LGSN: variants seen among roughly 807,000 people sequenced by gnomAD.
LGSN encodes lengsin.
LGSN carries 21 observed loss-of-function variants against 19.5 expected under a neutral mutation model. The ratio of observed to expected loss-of-function variants is 1.07; its 90% CI spans 0.76 to 1.55. The LOEUF is 1.55. Ranked by LOEUF, LGSN falls within the 40% of genes most tolerant of loss-of-function variation. The pLI is 0.00. For synonymous variants in LGSN, 257 were observed against 215.6 expected, an observed-to-expected ratio of 1.19 and a Z score of -1.68; for missense variants, 673 against 608.5, an observed-to-expected ratio of 1.11 and a Z score of -1.12.
the LGSN span, among the ~76,000 whole-genome samples, chr6:63,436,134 T>C: frequency 6.6e-6 from 1 of 152,200 alleles, no homozygotes; most frequent in Non-Finnish European, 1.5e-5. Context: ...TCATGTAAAG[T>C]AGCCCTACCA....
the LGSN span, among the ~76,000 whole-genome samples, chr6:63,557,217 G>A: frequency 2.6e-5 from 4 of 152,166 alleles, no homozygotes; most frequent in African/African-American, 9.7e-5. Flanking sequence ...TACAATGGAA[G>A]TACAGGGAAT....
chr6:63,408,808 T>G, the LGSN span, among the ~76,000 whole-genome samples: 1 of 152,072 alleles, frequency 6.6e-6, no homozygotes. Context: ...ATCCAGAATC[T>G]ACAATGAACT....
the LGSN span, among the ~76,000 whole-genome samples, chr6:63,424,844 C>G: frequency 6.6e-6 from 1 of 151,890 alleles, no homozygotes. Context: ...TGCAGGAGTT[C>G]AAGGCTGCAG....
chr6:63,556,444 G>C, the LGSN span, among the ~76,000 whole-genome samples: 1 of 152,046 alleles, frequency 6.6e-6, no homozygotes, highest in Non-Finnish European at 1.5e-5. Flanking sequence ...GCCTGCCAAA[G>C]TGCTGGGATT....
At chr6:63,422,362 TC>T in the LGSN span, among the ~76,000 whole-genome samples, 2 of 151,876 alleles carry the variant, frequency 1.3e-5, no homozygotes, top group Admixed American at 6.6e-5. Context: ...CTGTGCCTGG[TC>T]CCCCAAAAAA....
the LGSN span, among the ~76,000 whole-genome samples, chr6:63,552,865 G>C: frequency 2.6e-5 from 4 of 152,116 alleles, no homozygotes; most frequent in Non-Finnish European, 1.5e-5. Context: ...TATTATTTCT[G>C]AGGGCTCTGT....
chr6:63,541,076 C>A, the LGSN span, among the ~76,000 whole-genome samples: 2 of 151,698 alleles, frequency 1.3e-5, no homozygotes, highest in African/African-American at 4.8e-5. Flanking sequence ...AGAAAGAAAT[C>A]CTCACAGAAT....
At chr6:63,380,587 A>T in the LGSN span, among the ~76,000 whole-genome samples, 1 of 152,128 alleles carries the variant, frequency 6.6e-6, no homozygotes, top group South Asian at 2.1e-4. Flanking sequence ...TTCAGCCTTC[A>T]TAGAGAAGTT....
chr6:63,450,318 C>G, the LGSN span, among the ~76,000 whole-genome samples: 6 of 150,924 alleles, frequency 4.0e-5, no homozygotes, highest in African/African-American at 7.3e-5. Flanking sequence ...GCAGAGATTG[C>G]ACACTGCACT....
the LGSN span, among the ~76,000 whole-genome samples, chr6:63,560,054 A>C: frequency 6.6e-6 from 1 of 152,238 alleles, no homozygotes; most frequent in African/African-American, 2.4e-5. Context: ...AATGCATTTC[A>C]TAACATATCT....
At chr6:63,303,516 A>G (rs1308756498) in intron 1 of LGSN, among the ~76,000 whole-genome samples, 1 of 152,186 alleles carries the variant, frequency 6.6e-6, no homozygotes, top group East Asian at 1.9e-4. Flanking sequence ...CAGACTGATA[A>G]CAATCAGTTC....
the LGSN span, among the ~76,000 whole-genome samples, chr6:63,397,550 C>T: frequency 7.3e-5 from 11 of 150,870 alleles, no homozygotes; most frequent in African/African-American, 1.2e-4. Context: ...TTTAAAGAAG[C>T]GGGCTATGAT....
chr6:63,443,085 C>A, the LGSN span, among the ~76,000 whole-genome samples: 1 of 152,202 alleles, frequency 6.6e-6, no homozygotes, highest in Non-Finnish European at 1.5e-5. Flanking sequence ...CTGAGCCCTG[C>A]CCCATGGGGA....
chr6:63,454,793 C>CTTTTTTTTTTTTTTTTTTTTTTTTT, the LGSN span, among the ~76,000 whole-genome samples: 1 of 91,738 alleles, frequency 1.1e-5, no homozygotes, highest in Non-Finnish European at 2.0e-5. Flanking sequence ...TTTTCTTTTT[C>CTTTTTTTTTTTTTTTTTTTTTTTTT]TTTTTTTTTT....
the LGSN span, among the ~76,000 whole-genome samples, chr6:63,458,268 T>C: frequency 6.6e-6 from 1 of 152,162 alleles, no homozygotes; most frequent in East Asian, 1.9e-4. Flanking sequence ...GGTCTCTCCA[T>C]GTTAGTCAGG....
At chr6:63,323,773 C>CTT (rs150256951), upstream of LGSN, among the ~76,000 whole-genome samples, 8 of 126,274 alleles carry the variant, frequency 6.3e-5, no homozygotes, top group African/African-American at 2.1e-4. Context: ...TTTTTGCATT[C>CTT]TTTTTTTTTT....
chr6:63,289,409 T>A (rs1767680514), intron 2 of LGSN, among the ~76,000 whole-genome samples: 1 of 152,218 alleles, frequency 6.6e-6, no homozygotes, highest in Admixed American at 6.5e-5. Flanking sequence ...TACTTGTTAT[T>A]TACAATTAAA....
At chr6:63,432,627 G>A in the LGSN span, among the ~76,000 whole-genome samples, 1 of 151,884 alleles carries the variant, frequency 6.6e-6, no homozygotes, top group East Asian at 1.9e-4. Context: ...GGGAGGCAGA[G>A]CTTGCAGTGA....
the LGSN span, among the ~76,000 whole-genome samples, chr6:63,537,050 T>C: frequency 6.6e-6 from 1 of 152,146 alleles, no homozygotes; most frequent in Admixed American, 6.5e-5. Context: ...AAATTAAATA[T>C]TTGTTAAATT....
Sources: allele counts gnomAD v4.1 joint callset (sites outside exome capture counted in the v4.1 genomes callset), GRCh38; gene constraint gnomAD v4.1.1; transcripts MANE v1.5; gene names NCBI Gene and HGNC (gene_info 2026-07-23, HGNC 2026-07-21).